CCNJ: variants seen among roughly 807,000 people sequenced by gnomAD.
The protein encoded by CCNJ is cyclin-J.
CCNJ carries 12 observed loss-of-function variants against 41.4 expected under a neutral mutation model. The observed-to-expected ratio is 0.29, with a 90% CI of 0.19 to 0.47. The LOEUF (loss-of-function observed/expected upper bound fraction) is 0.47, where lower values mean the gene tolerates loss of function less well. Ranked by LOEUF, CCNJ falls within the 20% of genes least tolerant of loss-of-function variation. CCNJ has a pLI of 1.00. For missense variants in CCNJ, 340 were observed against 464.6 expected, an observed-to-expected ratio of 0.73 and a Z score of 2.47; for synonymous variants, 161 against 173.4, an observed-to-expected ratio of 0.93 and a Z score of 0.56.
Position 96,044,387 on chromosome 10 carries a change from G to A in CCNJ, c.-7G>A. 2 of 1,525,152 alleles carry A rather than the reference G, an allele frequency of 1.3e-6. No individual in the cohort carries two copies. The highest frequency in any genetic ancestry group is 8.9e-7 in the Non-Finnish European group (1 of 1,129,390). The allele number at this position is 1,525,152 out of a possible 1,614,324, so 94.5% of individuals were successfully genotyped here. On this transcript the variant is annotated 5_prime_UTR_variant, in exon 2 of 6. Transcript: ENST00000465148. ...GCCGCGTCGGGCTGGGCGCGCCGCC[G>A]GGTCCCATGGAGCTGGAGGGGCAGT...
chr10:96,055,807 T>C (rs2080668586), intron 3 of CCNJ, among the ~76,000 whole-genome samples: 1 of 152,224 alleles, frequency 6.6e-6, no homozygotes, highest in Non-Finnish European at 1.5e-5. Flanking sequence ...GCCCCTTTTT[T>C]CTTTAACAGA....
At chr10:96,043,914 C>A (rs1271971703) in intron 1 of CCNJ, among the ~76,000 whole-genome samples, 195 bp downstream of exon 1, 1 of 152,208 alleles carries the variant, frequency 6.6e-6, no homozygotes, top group Non-Finnish European at 1.5e-5. Context: ...GACCCGCGGC[C>A]AGGCAGACGC....
intron 3 of CCNJ, among the ~76,000 whole-genome samples, chr10:96,055,669 C>T (rs1217143918): frequency 6.6e-6 from 1 of 152,142 alleles, no homozygotes; most frequent in Non-Finnish European, 1.5e-5. Flanking sequence ...ATAGCTGAAA[C>T]CTTATAGATG....
rs2080737146 is a variant in CCNJ at position 96,057,890 on chromosome 10, A to T, written c.801A>T (p.Ser267=). ...NKQRGQAGPQ[S]AQLSVFQTAS... is the part of the protein sequence containing the mutation. ...AGAGAGGGCAAGCAGGACCTCAGTCAGCGCAACTAAGTGTATTCCAGACAG... is the reference window on the plus strand; with the variant it reads ...AGAGAGGGCAAGCAGGACCTCAGTCTGCGCAACTAAGTGTATTCCAGACAG... Residue 267 remains serine, a synonymous_variant, in exon 6 of 6, where the codon TCA becomes TCT. Coordinates refer to ENST00000465148, the MANE Select transcript of CCNJ (RefSeq NM_001134375.2). 6.2e-7 allele frequency: 1 copy of T among 1,614,110 alleles called. No homozygotes were observed. Among genetic ancestry groups the T allele is most frequent in the Non-Finnish European group, 8.5e-7 (1 of 1,180,028 alleles).
Position 96,050,257 on chromosome 10 carries a change from A to T in CCNJ, c.71A>T (p.Glu24Val). 1 of 1,611,366 alleles carries T rather than the reference A, an allele frequency of 6.2e-7. No individual in the cohort carries two copies. The highest frequency in any genetic ancestry group is 8.5e-7 in the Non-Finnish European group (1 of 1,177,498). The change falls in exon 3 of 6, where the codon GAG becomes GTG. Residue 24 changes from glutamate to valine, a missense_variant and splice_region_variant. Physicochemically the swap from Glu to Val is moderately radical, Grantham distance 121. This residue lies in a region of CCNJ where 44 missense variants were observed against 43.6 expected (regional missense o/e 1.01). Coordinates refer to ENST00000465148, the MANE Select transcript of CCNJ (RefSeq NM_001134375.2). ...ADIHQALRYKELKLPSYKGQS... is the reference protein window; with the variant it reads ...ADIHQALRYKVLKLPSYKGQS... ...TAAATGTTGTTCCTTTTGACTTAGGAGCTGAAGTTGCCCTCCTATAAAGGC... is the reference window on the plus strand; with the variant it reads ...TAAATGTTGTTCCTTTTGACTTAGGTGCTGAAGTTGCCCTCCTATAAAGGC...
At chr10:96,043,874 G>A (rs933607191) in intron 1 of CCNJ, among the ~76,000 whole-genome samples, 155 bp downstream of exon 1, 2 of 152,200 alleles carry the variant, frequency 1.3e-5, no homozygotes, top group Non-Finnish European at 2.9e-5. Context: ...GGGCTCCCGG[G>A]GAGGAGCAGG....
intron 5 of CCNJ, 44 bp from the exon 6 acceptor site, chr10:96,057,786 C>G: frequency 6.4e-7 from 1 of 1,565,010 alleles, no homozygotes; most frequent in Non-Finnish European, 8.7e-7. Context: ...CAGATTTCTT[C>G]TCAAGCAGTA....
At chr10:96,053,709 G>A (rs1401632339) in intron 3 of CCNJ, among the ~76,000 whole-genome samples, 1 of 152,144 alleles carries the variant, frequency 6.6e-6, no homozygotes, top group African/African-American at 2.4e-5. Context: ...GCTTTTAGTA[G>A]TAACAATTTG....
chr10:96,054,055 A>T (rs1194194322), intron 3 of CCNJ, among the ~76,000 whole-genome samples: 1 of 152,244 alleles, frequency 6.6e-6, no homozygotes, highest in East Asian at 1.9e-4. Context: ...CCTACTATTC[A>T]CTGCTGGCTT....
intron 3 of CCNJ, among the ~76,000 whole-genome samples, chr10:96,054,610 G>A (rs1167970761): frequency 6.6e-6 from 1 of 152,176 alleles, no homozygotes; most frequent in Non-Finnish European, 1.5e-5. Context: ...AAATCTGTCA[G>A]TTCTGGTCTA....
intron 1 of CCNJ, 92 bp from the exon 2 acceptor site, chr10:96,044,261 C>T (rs1364142655): frequency 1.8e-6 from 1 of 550,816 alleles, no homozygotes. Flanking sequence ...TGAGCAGCCA[C>T]ACCGGGTGGC....
upstream of CCNJ, chr10:96,043,449 G>T: frequency 2.6e-6 from 1 of 381,438 alleles, no homozygotes; most frequent in Non-Finnish European, 4.6e-6. Context: ...GCCTGGCGCT[G>T]CACCTGGGCC....
In CCNJ at chr10:96,057,883, C is replaced by G; in HGVS notation, c.794C>G (p.Pro265Arg). The G allele has an allele frequency of 6.2e-7, 1 of 1,614,168 alleles. No individual in the cohort carries two copies. The highest frequency in any genetic ancestry group is 8.5e-7 in the Non-Finnish European group (1 of 1,180,022). Residue 265 changes from proline (P) to arginine (R), a missense_variant, in exon 6 of 6, where the codon CCT (proline) becomes CGT (arginine). By Grantham distance (103) the Pro-to-Arg change is moderately radical. This residue lies in a region of CCNJ where 159 missense variants were observed against 168.2 expected (regional missense o/e 0.95). Transcript: ENST00000465148. ...EANKQRGQAG[P>R]QSAQLSVFQT... ...AACAAACAGAGAGGGCAAGCAGGAC[C>G]TCAGTCAGCGCAACTAAGTGTATTC...
intron 2 of CCNJ, among the ~76,000 whole-genome samples, chr10:96,044,762 G>T (rs577566491): frequency 2.0e-5 from 3 of 152,292 alleles, no homozygotes; most frequent in South Asian, 4.1e-4. Context: ...TATATACACT[G>T]AATTTTTGTT....
intron 2 of CCNJ, among the ~76,000 whole-genome samples, chr10:96,046,501 TC>T (rs2080367507): frequency 6.6e-6 from 1 of 152,228 alleles, no homozygotes; most frequent in African/African-American, 2.4e-5. Context: ...AACATGTTGA[TC>T]ATTTATGACA....
At chr10:96,056,323 C>A (rs1198850170) in intron 3 of CCNJ, among the ~76,000 whole-genome samples, 4 of 150,452 alleles carry the variant, frequency 2.7e-5, no homozygotes, top group African/African-American at 9.8e-5. Context: ...AAAAAAAAAA[C>A]TATCTTCTAC....
At chr10:96,045,013 T>TA (rs769596964) in intron 2 of CCNJ, among the ~76,000 whole-genome samples, 3 of 152,218 alleles carry the variant, frequency 2.0e-5, no homozygotes, top group Non-Finnish European at 4.4e-5. Flanking sequence ...TGGTATATAG[T>TA]AAGCACTAAG....
chr10:96,050,259 C>T lies in CCNJ; in HGVS notation c.73C>T (p.Leu25=). 1 of 1,611,364 alleles carries T rather than the reference C, an allele frequency of 6.2e-7. No homozygotes were observed. Among genetic ancestry groups the T allele is most frequent in the Non-Finnish European group, 8.5e-7 (1 of 1,177,476 alleles). ...DIHQALRYKE[L]KLPSYKGQSP... ...AATGTTGTTCCTTTTGACTTAGGAG[C>T]TGAAGTTGCCCTCCTATAAAGGCCA... Residue 25 remains leucine (L), a synonymous_variant, in exon 3 of 6, where the codon CTG becomes TTG. Transcript: ENST00000465148.
chr10:96,055,369 C>G (rs959490842), intron 3 of CCNJ, among the ~76,000 whole-genome samples: 2 of 152,130 alleles, frequency 1.3e-5, no homozygotes, highest in Non-Finnish European at 2.9e-5. Context: ...AAATAGAACA[C>G]AGTAATAGGA....
Sources: gnomAD v4.1 joint callset for allele counts (sites outside exome capture counted in the v4.1 genomes callset) on GRCh38, gnomAD v4.1.1 for gene constraint, gnomAD v4.1.1 regional missense constraint, MANE v1.5 for transcripts, NCBI Gene and HGNC (gene_info 2026-07-23, HGNC 2026-07-21) for gene names.